The following MTFP1 variants were observed in gnomAD, a reference collection of about 807,000 sequenced individuals.
MTFP1 encodes mitochondrial fission process protein 1.
In MTFP1, 19 loss-of-function variants were observed where a neutral mutation model predicts 17.1. The ratio of observed to expected loss-of-function variants is 1.11; its 90% CI spans 0.77 to 1.63. The LOEUF (loss-of-function observed/expected upper bound fraction) is 1.63. Ranked by LOEUF, MTFP1 falls within the 40% of genes most tolerant of loss-of-function variation. The pLI, the probability that MTFP1 is intolerant of heterozygous loss-of-function variation, is 0.00. For synonymous variants in MTFP1, 89 were observed against 95.2 expected (o/e 0.93, Z 0.38); for missense variants, 221 against 226.2 (o/e 0.98, Z 0.15).
At position 30,428,485 on chromosome 22, in the gene MTFP1, C is replaced by T; in HGVS notation, c.452C>T (p.Ser151Phe). Residue 151 changes from serine to phenylalanine, a missense_variant, in exon 4 of 4, where the codon TCC (serine) becomes TTC (phenylalanine). Coordinates refer to ENST00000266263, the MANE Select transcript of MTFP1 (RefSeq NM_016498.5). ...AGGTCGGTGGATTTCCTCCTGGACT[C>T]CAGCCTGCGCAAGCTCTACCCAACA... ...IDRSVDFLLD[S>F]SLRKLYPTVG... is the part of the protein sequence containing the mutation. The T allele has an allele frequency of 6.2e-7, 1 of 1,614,170 alleles. No homozygotes were observed. The highest frequency in any genetic ancestry group is 8.5e-7 in the Non-Finnish European group (1 of 1,180,006).
In MTFP1 at chr22:30,426,791, G is replaced by A. The variant is rs747928613; in HGVS notation, c.142G>A (p.Ala48Thr). 6.2e-7 allele frequency: 1 copy of A among 1,613,714 alleles called. No individual in the cohort carries two copies. The highest frequency in any genetic ancestry group is 1.6e-4 in the Middle Eastern group (1 of 6,062). ...AAVVWLSYGV[A>T]SSYVLADAID... is the part of the protein sequence containing the mutation. The stretch of plus-strand genomic sequence containing the variant: ...GGTGGTGTGGCTGAGCTATGGCGTG[G>A]CCAGCTCCTACGTGCTGGCGGATGC... Residue 48 changes from alanine (A) to threonine (T), a missense_variant, in exon 2 of 4, where the codon GCC becomes ACC. Transcript: ENST00000266263.
chr22:30,428,408 G>GCCTTCTC lies in MTFP1; in HGVS notation c.429-54_429-53insCCTTCTC, dbSNP rs1934707493. 5.9e-6 allele frequency: 9 copies of GCCTTCTC among 1,522,210 alleles called. 1 individual carries two copies. In the South Asian group the frequency reaches 1.0e-4, roughly 17 times the overall value. 94.3% of individuals were successfully genotyped at this position (1,522,210 alleles called of 1,614,324 possible). A position where few individuals can be genotyped will look rare whatever the true frequency, so the allele number is the denominator to read the frequency against. On this transcript the variant is annotated intron_variant, in intron 3 of 3. Transcript: ENST00000266263. ...CCCTAACCCTGGCCTTCTGCCTTCT[G>GCCTTCTC]TTCCCTCATGAACACCCTTGGTCAC...
In MTFP1 at chr22:30,427,305, C is replaced by A. The variant is rs1033660805; in HGVS notation, c.330C>A (p.Val110=). Residue 110 remains valine, a synonymous_variant, in exon 3 of 4, where the codon GTC becomes GTA. Transcript: ENST00000266263. ...INRVCAASLY[V]LGTATRWPLA... is the part of the protein sequence containing the mutation. ...GCGTGTGTGCTGCCTCTCTCTATGT[C>A]CTGGGCACTGCCACCCGCTGGCCCC... is the stretch of plus-strand genomic sequence containing the variant. The A allele has an allele frequency of 1.9e-6, 3 of 1,614,014 alleles. No homozygotes were observed. The African/African-American group carries it at 4.0e-5, about 22-fold the overall frequency.
chr22:30,426,937 C>T, intron 2 of MTFP1, 93 bp downstream of exon 2: 1 of 1,572,520 alleles, frequency 6.4e-7, no homozygotes, highest in Middle Eastern at 1.7e-4. Context: ...CCCTGTGGGA[C>T]ACTCCAGTCC....
chr22:30,426,402 G>A (rs1419234914), intron 1 of MTFP1, among the ~76,000 whole-genome samples: 1 of 152,220 alleles, frequency 6.6e-6, no homozygotes, highest in Admixed American at 6.5e-5. Flanking sequence ...GGTCAGTGGC[G>A]CTGCCCTCGA....
At chr22:30,425,975 C>T (rs778343631) in intron 1 of MTFP1, 29 bp downstream of exon 1, 2 of 1,487,732 alleles carry the variant, frequency 1.3e-6, no homozygotes, top group South Asian at 2.7e-5. Flanking sequence ...GCGCGGCGAC[C>T]CCACCACCAC....
At position 30,428,551 on chromosome 22, in the gene MTFP1, G is replaced by A. The variant is rs567393561; in HGVS notation, c.*17G>A. ...TCCTCCTGATCATACTCTGGTACCTGGCCTGTGCATCGGCCTCCTGCTTCA... is the reference window on the plus strand; with the variant it reads ...TCCTCCTGATCATACTCTGGTACCTAGCCTGTGCATCGGCCTCCTGCTTCA... On this transcript the variant is annotated 3_prime_UTR_variant, in exon 4 of 4. Coordinates refer to ENST00000266263, the MANE Select transcript of MTFP1 (RefSeq NM_016498.5). The A allele has an allele frequency of 3.1e-6, 5 of 1,614,152 alleles. No homozygotes were observed. The East Asian group carries it at 1.1e-4, about 36-fold the overall frequency.
intron 3 of MTFP1, 131 bp from the exon 4 acceptor site, chr22:30,428,331 G>T: frequency 1.4e-6 from 1 of 722,826 alleles, no homozygotes; most frequent in Non-Finnish European, 2.3e-6. Context: ...ATCAGGATAA[G>T]GGTGGGTCTC....
intron 2 of MTFP1, 30 bp from the exon 3 acceptor site, chr22:30,427,141 A>G: frequency 6.2e-7 from 1 of 1,610,136 alleles, no homozygotes; most frequent in Non-Finnish European, 8.5e-7. Flanking sequence ...CCTCTGCCCC[A>G]GCTGGATTAA....
chr22:30,427,340 G>GC lies in MTFP1; in HGVS notation c.366dup (p.Lys123GlnfsTer20). ...GCCACCCGCTGGCCCCTGGCTGTCC[G>GC]CAAGTGGACCACCACCGCGCTTGGG... is the stretch of plus-strand genomic sequence containing the variant. On this transcript the variant is annotated frameshift_variant, in exon 3 of 4. Transcript: ENST00000266263. LOFTEE classifies it high-confidence loss of function. 3.7e-6 allele frequency: 6 copies of GC among 1,614,072 alleles called. No individual in the cohort carries two copies. The highest frequency in any genetic ancestry group is 4.2e-6 in the Non-Finnish European group (5 of 1,180,038).
intron 3 of MTFP1, among the ~76,000 whole-genome samples, chr22:30,428,181 T>C (rs1410830035): frequency 2.0e-5 from 3 of 152,148 alleles, no homozygotes; most frequent in African/African-American, 4.8e-5. Flanking sequence ...GAGCAGTCTT[T>C]CTCCAGGAGA....
At chr22:30,426,883 C>G (rs1934680062) in intron 2 of MTFP1, 39 bp downstream of exon 2, 2 of 1,602,236 alleles carry the variant, frequency 1.2e-6, no homozygotes, top group Non-Finnish European at 1.7e-6. Flanking sequence ...AACCCTAGCT[C>G]TCTTCTTGTG....
At chr22:30,426,891 G>C (rs755154331) in intron 2 of MTFP1, 47 bp downstream of exon 2, 16 of 1,600,106 alleles carry the variant, frequency 1.0e-5, no homozygotes, top group Non-Finnish European at 1.3e-5. Flanking sequence ...CTCTCTTCTT[G>C]TGTGGTTCAG....
chr22:30,426,078 T>TGGGCTCAGACA, intron 1 of MTFP1, 132 bp downstream of exon 1: 1 of 935,856 alleles, frequency 1.1e-6, no homozygotes, highest in Non-Finnish European at 1.5e-6. Context: ...GGCCGGAGAC[T>TGGGCTCAGACA]GGGCTCAGAC....
At chr22:30,427,656 T>C (rs137948812) in intron 3 of MTFP1, among the ~76,000 whole-genome samples, 2,305 of 152,114 alleles carry the variant, frequency 0.015, 41 homozygotes, top group Middle Eastern at 0.037. Context: ...ACAAGTAAAT[T>C]CCCAGAAAGA....
chr22:30,428,707 G>A lies in MTFP1; in HGVS notation c.*173G>A, dbSNP rs45513091. The stretch of plus-strand genomic sequence containing the variant: ...GGCTTCAAGAAGCAGTGGCTGCAGG[G>A]AGTCACAGAAGGGCAGGACCTGAAC... On this transcript the variant is annotated 3_prime_UTR_variant, in exon 4 of 4. Transcript: ENST00000266263. The A allele has an allele frequency of 2.8e-3, 4,475 of 1,597,384 alleles. 8 individuals are homozygous for A. The highest frequency in any genetic ancestry group is 3.5e-3 in the Non-Finnish European group (4,122 of 1,165,146).
rs1265049286 is a variant in MTFP1 at position 30,427,293 on chromosome 22, C to T, written c.318C>T (p.Ala106=). 3 of 1,614,100 alleles carry T rather than the reference C, an allele frequency of 1.9e-6. No individual in the cohort carries two copies. In the Middle Eastern group the frequency reaches 4.9e-4, roughly 266 times the overall value. Residue 106 remains alanine (A), a synonymous_variant, in exon 3 of 4, where the codon GCC becomes GCT. Transcript: ENST00000266263. The stretch of plus-strand genomic sequence containing the variant: ...TCACCATCAACCGCGTGTGTGCTGC[C>T]TCTCTCTATGTCCTGGGCACTGCCA... ...PGFTINRVCA[A]SLYVLGTATR...
In MTFP1 at chr22:30,425,847, G is replaced by A; in HGVS notation, c.-33G>A. Reference sequence around the variant, plus strand: ...CGGAGACTGCAGTGGAGCCAGTACCGGCTGTAGTGGCCGGGGCCGTGGCGG... The same window carrying A: ...CGGAGACTGCAGTGGAGCCAGTACCAGCTGTAGTGGCCGGGGCCGTGGCGG... On this transcript the variant is annotated 5_prime_UTR_variant, in exon 1 of 4. Coordinates refer to ENST00000266263, the MANE Select transcript of MTFP1 (RefSeq NM_016498.5). The A allele has an allele frequency of 6.5e-7, 1 of 1,528,364 alleles. No individual in the cohort carries two copies. Among genetic ancestry groups the A allele is most frequent in the African/African-American group, 1.4e-5 (1 of 71,234 alleles). 94.7% of individuals were successfully genotyped at this position (1,528,364 alleles called of 1,614,324 possible).
rs190260112 is a variant in MTFP1 at position 30,427,720 on chromosome 22, G to A, written c.428+317G>A. Among the ~76,000 whole-genome samples the A allele has an allele frequency of 4.3e-4, 65 of 152,306 alleles. No individual in the cohort carries two copies. The East Asian group carries it at 0.012, about 28-fold the overall frequency. On this transcript the variant is annotated intron_variant, in intron 3 of 3. Coordinates refer to ENST00000266263, the MANE Select transcript of MTFP1 (RefSeq NM_016498.5). Reference sequence around the variant, plus strand: ...GAAGCAGGAGCAGGTGCACCCTAGAGGGGATGCATTTTGGGAGGTATTGGT... The same window carrying A: ...GAAGCAGGAGCAGGTGCACCCTAGAAGGGATGCATTTTGGGAGGTATTGGT...
Sources: allele counts gnomAD v4.1 joint callset (sites outside exome capture counted in the v4.1 genomes callset), GRCh38; gene constraint gnomAD v4.1.1; transcripts MANE v1.5; gene names NCBI Gene and HGNC (gene_info 2026-07-23, HGNC 2026-07-21).